RETREG3: variants seen among roughly 807,000 people sequenced by gnomAD.
RETREG3 encodes the protein reticulophagy regulator family member 3.
RETREG3 carries 23 observed loss-of-function variants against 50.2 expected under a neutral mutation model. The observed-to-expected ratio is 0.46, with a 90% CI of 0.33 to 0.65. The LOEUF (loss-of-function observed/expected upper bound fraction) is 0.65, where lower values mean the gene tolerates loss of function less well. Ranked by LOEUF, RETREG3 falls within the 30% of genes least tolerant of loss-of-function variation. The probability of loss-of-function intolerance (pLI) is 0.02; values close to 1 mark genes in which losing one functional copy is unlikely to be tolerated. For missense variants in RETREG3, 546 were observed against 598.0 expected, an observed-to-expected ratio of 0.91 and a Z score of 0.91; for synonymous variants, 240 against 234.4, an observed-to-expected ratio of 1.02 and a Z score of -0.22.
At chr17:42,589,883 G>C (rs2093129006) in intron 2 of RETREG3, among the ~76,000 whole-genome samples, 5 of 152,158 alleles carry the variant, frequency 3.3e-5, no homozygotes, top group Admixed American at 3.3e-4. Flanking sequence ...CCTTCCATGT[G>C]GTCCTAAAAA....
At chr17:42,583,651 A>G (rs923315974) in intron 6 of RETREG3, 71 bp from the exon 7 acceptor site, 9 of 1,431,804 alleles carry the variant, frequency 6.3e-6, no homozygotes, top group African/African-American at 2.8e-5. Context: ...CTTTAAAGAC[A>G]TAAAATCAGA....
intron 1 of RETREG3, among the ~76,000 whole-genome samples, chr17:42,606,511 G>A (rs2093168114): frequency 6.6e-6 from 1 of 152,012 alleles, no homozygotes; most frequent in African/African-American, 2.4e-5. Flanking sequence ...TGAGTCAGGA[G>A]AATGGCGTGA....
At position 42,585,350 on chromosome 17, in the gene RETREG3, G is replaced by A. The variant is rs1283816399; in HGVS notation, c.590-88C>T. The A allele has an allele frequency of 1.2e-5, 19 of 1,531,990 alleles. No individual in the cohort carries two copies. The East Asian group carries it at 3.5e-4, about 28-fold the overall frequency. The allele number at this position is 1,531,990 out of a possible 1,614,324, so 94.9% of individuals were successfully genotyped here. A position where few individuals can be genotyped will look rare whatever the true frequency, so the allele number is the denominator to read the frequency against. ...TGTAGCGCTGCTATTGGTCCTTAGG[G>A]CTTGGACACAAAGTGTGGAACAGAT... is the stretch of plus-strand genomic sequence containing the variant. On this transcript the variant is annotated intron_variant, in intron 5 of 8. Transcript: ENST00000309428.
rs775562553 is a variant in RETREG3, at chr17:42,582,704, C to A, written c.913G>T (p.Gly305Cys). Residue 305 changes from glycine to cysteine, a missense_variant, in exon 8 of 9, where the codon GGC becomes TGC. By Grantham distance (159) the Gly-to-Cys change is radical. Coordinates refer to ENST00000309428, the MANE Select transcript of RETREG3 (RefSeq NM_178126.4). ...GAGCCTTCCGTTAGAGGTGTTTGGCCCCTTGAAAGATTGAATGTGCCATTG... is the reference window on the plus strand; with the variant it reads ...GAGCCTTCCGTTAGAGGTGTTTGGCACCTTGAAAGATTGAATGTGCCATTG... ...TDNGTFNLSR[G>C]QTPLTEGSED... is the part of the protein sequence containing the mutation. The A allele has an allele frequency of 3.7e-6, 6 of 1,614,050 alleles. No individual in the cohort carries two copies. In the East Asian group the frequency reaches 1.3e-4, roughly 36 times the overall value.
At position 42,581,927 on chromosome 17, in the gene RETREG3, G is replaced by A; in HGVS notation, c.1287C>T (p.Gly429=). The change falls in exon 9 of 9, where the codon GGC becomes GGT. Residue 429 remains glycine, a synonymous_variant. Coordinates refer to ENST00000309428, the MANE Select transcript of RETREG3 (RefSeq NM_178126.4). ...GGTCTGAACTGGGGGACCGGAGGAA[G>A]CCTCTCGTTGCTCTCTGGGCAGGTG... ...SGAPAQRATR[G]FLRSPSSDLD... The A allele has an allele frequency of 1.9e-6, 3 of 1,614,194 alleles. No individual in the cohort carries two copies. The highest frequency in any genetic ancestry group is 8.5e-7 in the Non-Finnish European group (1 of 1,180,038).
chr17:42,597,976 GTTT>G (rs869196773), intron 1 of RETREG3, among the ~76,000 whole-genome samples: 2 of 95,840 alleles, frequency 2.1e-5, no homozygotes, highest in African/African-American at 4.2e-5. Context: ...TTCCTCTGAA[GTTT>G]TTTTTTTTTT....
rs2093110203 is a variant in RETREG3, at chr17:42,582,053, A to C, written c.1161T>G (p.Leu387=). 1 of 1,613,932 alleles carries C rather than the reference A, an allele frequency of 6.2e-7. No homozygotes were observed. Reference sequence around the variant, plus strand: ...TGCTGGTGAGGTTGGATCCTACAGGAAGAGCACCAAGCAGGAGCTCCGGCA... The same window carrying C: ...TGCTGGTGAGGTTGGATCCTACAGGCAGAGCACCAAGCAGGAGCTCCGGCA... ...AALPELLLGA[L]PVGSNLTSNL... Residue 387 remains leucine, a synonymous_variant, in exon 9 of 9, where the codon CTT becomes CTG. Transcript: ENST00000309428.
intron 4 of RETREG3, 143 bp downstream of exon 4, chr17:42,586,622 C>T: frequency 1.6e-6 from 2 of 1,236,968 alleles, no homozygotes; most frequent in Non-Finnish European, 1.1e-6. Context: ...GTCAGAAGGC[C>T]TTTCCTATAG....
intron 1 of RETREG3, among the ~76,000 whole-genome samples, chr17:42,601,042 G>A (rs1567926582): frequency 2.6e-5 from 4 of 152,306 alleles, no homozygotes; most frequent in South Asian, 2.1e-4. Context: ...TTGGGAGGCT[G>A]AAGCAGGTAG....
chr17:42,597,590 TA>T (rs1172658270), intron 1 of RETREG3, among the ~76,000 whole-genome samples: 138 of 7,258 alleles, frequency 0.019, 2 homozygotes, highest in African/African-American at 0.049. Context: ...TGTATATATA[TA>T]TATATATATA....
intron 2 of RETREG3, among the ~76,000 whole-genome samples, chr17:42,588,702 G>C (rs1308934786): frequency 2.6e-5 from 4 of 151,778 alleles, no homozygotes; most frequent in Admixed American, 2.6e-4. Context: ...CTGTCACCCA[G>C]GCTGGAATGC....
In RETREG3 at chr17:42,583,493, G is replaced by A; in HGVS notation, c.810+5C>T. ...ACAGTGAAGCAGCTCCCACACTCAA[G>A]ATACCTGAGGACAGAAGGCAGCAAG... On this transcript the variant is annotated splice_donor_5th_base_variant and intron_variant, in intron 7 of 8. Coordinates refer to ENST00000309428, the MANE Select transcript of RETREG3 (RefSeq NM_178126.4). 6.2e-7 allele frequency: 1 copy of A among 1,613,182 alleles called. No homozygotes were observed. Among genetic ancestry groups the A allele is most frequent in the Non-Finnish European group, 8.5e-7 (1 of 1,179,398 alleles).
At chr17:42,599,617 G>A (rs2093154714) in intron 1 of RETREG3, among the ~76,000 whole-genome samples, 1 of 146,470 alleles carries the variant, frequency 6.8e-6, no homozygotes, top group Non-Finnish European at 1.5e-5. Flanking sequence ...TTGTGCCATT[G>A]CATTCCAGCC....
At chr17:42,589,781 T>G in intron 2 of RETREG3, among the ~76,000 whole-genome samples, 1 of 152,176 alleles carries the variant, frequency 6.6e-6, no homozygotes, top group East Asian at 1.9e-4. Context: ...CTCCAGGCCA[T>G]CCATCATTTG....
intron 6 of RETREG3, among the ~76,000 whole-genome samples, chr17:42,584,538 G>A (rs1467130651): frequency 1.3e-5 from 2 of 152,068 alleles, no homozygotes; most frequent in South Asian, 2.1e-4. Context: ...GGCTCAGCAC[G>A]GTGGCTCACA....
Position 42,579,812 on chromosome 17 carries a change from C to T in RETREG3, c.*2001G>A, listed in dbSNP as rs2093103412. Reference sequence around the variant, plus strand: ...GTGGGGAGATGCCATTACCCCTGACCACCCCACTATGAGTGACTATGAGAC... The same window carrying T: ...GTGGGGAGATGCCATTACCCCTGACTACCCCACTATGAGTGACTATGAGAC... On this transcript the variant is annotated 3_prime_UTR_variant, in exon 9 of 9. Coordinates refer to ENST00000309428, the MANE Select transcript of RETREG3 (RefSeq NM_178126.4). 1 of 152,736 alleles carries T rather than the reference C, an allele frequency of 6.5e-6. No homozygotes were observed. The highest frequency in any genetic ancestry group is 2.4e-5 in the African/African-American group (1 of 41,414). The allele number at this position is 152,736 out of a possible 1,614,324, so 9.5% of individuals were successfully genotyped here. A position where few individuals can be genotyped will look rare whatever the true frequency, so the allele number is the denominator to read the frequency against.
intron 6 of RETREG3, among the ~76,000 whole-genome samples, chr17:42,584,894 G>A (rs1244991680): frequency 6.7e-6 from 1 of 149,576 alleles, no homozygotes. Context: ...CAACTTGAAA[G>A]AGCTTTTATC....
intron 1 of RETREG3, among the ~76,000 whole-genome samples, chr17:42,599,615 T>C (rs919717216): frequency 1.3e-5 from 2 of 150,200 alleles, no homozygotes; most frequent in South Asian, 2.1e-4. Flanking sequence ...GATTGTGCCA[T>C]TGCATTCCAG....
intron 4 of RETREG3, 40 bp from the exon 5 acceptor site, chr17:42,586,177 G>T: frequency 2.5e-6 from 4 of 1,595,346 alleles, no homozygotes; most frequent in Non-Finnish European, 3.4e-6. Context: ...CTGTCACATG[G>T]CAGGGGACTG....
Sources: allele counts gnomAD v4.1 joint callset (sites outside exome capture counted in the v4.1 genomes callset), GRCh38; gene constraint gnomAD v4.1.1; transcripts MANE v1.5; gene names NCBI Gene and HGNC (gene_info 2026-07-23, HGNC 2026-07-21).